Variants in RANBP3 observed in about 807,000 individuals in gnomAD.
RANBP3 encodes RAN binding protein 3.
A neutral mutation model predicts 77.3 loss-of-function variants in RANBP3; 14 were observed. The observed-to-expected ratio is 0.18, with a 90% confidence interval of 0.12 to 0.28. RANBP3 has a LOEUF of 0.28. Ranked by LOEUF, RANBP3 falls within the 10% of genes least tolerant of loss-of-function variation. The probability of loss-of-function intolerance (pLI) is 1.00; values close to 1 mark genes in which losing one functional copy is unlikely to be tolerated. For missense variants in RANBP3, 586 were observed against 752.3 expected (o/e 0.78, Z 2.59); for synonymous variants, 315 against 312.4 (o/e 1.01, Z -0.09).
intron 2 of RANBP3, among the ~76,000 whole-genome samples, chr19:5,955,171 G>T (rs529915070): frequency 6.6e-6 from 1 of 151,904 alleles, no homozygotes; most frequent in African/African-American, 2.4e-5. Context: ...TCACTCTGTC[G>T]CCCAGGCTGG....
At chr19:5,977,965 G>T (rs2058617543) in intron 1 of RANBP3, 96 bp downstream of exon 1, 3 of 1,507,870 alleles carry the variant, frequency 2.0e-6, no homozygotes, top group Middle Eastern at 1.7e-4. Flanking sequence ...CGAAACCCTT[G>T]CACTCTGCGG....
intron 9 of RANBP3, among the ~76,000 whole-genome samples, chr19:5,926,093 G>C (rs775738342): frequency 5.2e-4 from 79 of 152,156 alleles, no homozygotes; most frequent in Non-Finnish European, 8.5e-4. Flanking sequence ...GGTTTACTAT[G>C]AACATGATAG....
At chr19:5,920,135 G>A (rs561069305) in intron 14 of RANBP3, among the ~76,000 whole-genome samples, 7 of 152,328 alleles carry the variant, frequency 4.6e-5, no homozygotes, top group African/African-American at 1.2e-4. Flanking sequence ...AGTGGCCCAC[G>A]CCTGTAATTC....
At chr19:5,939,228 A>C (rs1205256815) in intron 5 of RANBP3, among the ~76,000 whole-genome samples, 1 of 152,194 alleles carries the variant, frequency 6.6e-6, no homozygotes, top group Admixed American at 6.5e-5. Context: ...ACTTGTATAA[A>C]ATTTTGAAAA....
intron 1 of RANBP3, among the ~76,000 whole-genome samples, chr19:5,960,390 G>T (rs2058385572): frequency 6.6e-6 from 1 of 152,186 alleles, no homozygotes; most frequent in Non-Finnish European, 1.5e-5. Flanking sequence ...CCTTGGACAG[G>T]CCTCAAAGTG....
At chr19:5,939,999 T>A (rs1411951549) in intron 5 of RANBP3, among the ~76,000 whole-genome samples, 3 of 152,250 alleles carry the variant, frequency 2.0e-5, no homozygotes, top group Non-Finnish European at 4.4e-5. Flanking sequence ...CCAGGGCAAC[T>A]GCTTCCCAGG....
At chr19:5,947,184 C>G (rs1348471844) in intron 3 of RANBP3, among the ~76,000 whole-genome samples, 1 of 151,874 alleles carries the variant, frequency 6.6e-6, no homozygotes, top group Non-Finnish European at 1.5e-5. Context: ...CATGGTGGTG[C>G]ATGCCTGTAA....
intron 1 of RANBP3, among the ~76,000 whole-genome samples, chr19:5,972,828 C>G (rs965117296): frequency 3.8e-4 from 58 of 152,174 alleles, no homozygotes; most frequent in Non-Finnish European, 6.9e-4. Context: ...CTCTGACCAC[C>G]TCAGAGGAGG....
chr19:5,971,231 T>G (rs1568483826), intron 1 of RANBP3, among the ~76,000 whole-genome samples: 1 of 152,210 alleles, frequency 6.6e-6, no homozygotes, highest in Non-Finnish European at 1.5e-5. Flanking sequence ...TAACATATTT[T>G]TATGAAAAAT....
intron 2 of RANBP3, among the ~76,000 whole-genome samples, chr19:5,954,971 C>G (rs2058318542): frequency 6.6e-6 from 1 of 152,190 alleles, no homozygotes; most frequent in Admixed American, 6.5e-5. Context: ...ACAGAGGTTT[C>G]CCACATGCCT....
intron 3 of RANBP3, 26 bp downstream of exon 3, chr19:5,951,367 G>A: frequency 1.3e-6 from 2 of 1,543,910 alleles, no homozygotes; most frequent in Non-Finnish European, 1.8e-6. Context: ...CTGGGCGGTA[G>A]GAGTGCCGGG....
intron 9 of RANBP3, among the ~76,000 whole-genome samples, chr19:5,926,730 C>T (rs2057915355): frequency 6.6e-6 from 1 of 152,120 alleles, no homozygotes; most frequent in South Asian, 2.1e-4. Flanking sequence ...ACTCCACAGG[C>T]CAAGCCCTTC....
rs1055671975 is a variant in RANBP3 at position 5,952,446 on chromosome 19, C to T, written c.79-850G>A. The stretch of plus-strand genomic sequence containing the variant: ...GGTTCCTGGGACTCCAGCAGGGCTT[C>T]CATGGGCTGAGAGCTCTGTGGCCGT... On this transcript the variant is annotated intron_variant, in intron 2 of 16. Coordinates refer to ENST00000340578, the MANE Select transcript of RANBP3 (RefSeq NM_007322.3). This position sits in a 1 kb window ranked among gnomAD's most constrained non-coding sequence, Gnocchi z 4.1. 2.0e-5 allele frequency among the ~76,000 whole-genome samples: 3 copies of T among 152,212 alleles called. No homozygotes were observed. Among genetic ancestry groups the T allele is most frequent in the African/African-American group, 7.2e-5 (3 of 41,444 alleles).
intron 1 of RANBP3, among the ~76,000 whole-genome samples, chr19:5,960,756 A>G (rs1347250175): frequency 1.3e-5 from 2 of 152,216 alleles, no homozygotes; most frequent in Non-Finnish European, 2.9e-5. Flanking sequence ...AAGGGACTGC[A>G]GCTATTTGAG....
chr19:5,972,563 C>T (rs1321929538), intron 1 of RANBP3, among the ~76,000 whole-genome samples: 3 of 152,178 alleles, frequency 2.0e-5, no homozygotes, highest in Admixed American at 6.5e-5. Flanking sequence ...TGGAGAGCTA[C>T]CAAATGCCCA....
chr19:5,976,917 A>G (rs2058599025), intron 1 of RANBP3, among the ~76,000 whole-genome samples: 1 of 152,138 alleles, frequency 6.6e-6, no homozygotes, highest in Non-Finnish European at 1.5e-5. Flanking sequence ...GCTCCTTCCC[A>G]GCTGTGTGAC....
intron 6 of RANBP3, chr19:5,933,102 C>T (rs2058016958): frequency 2.7e-6 from 1 of 370,350 alleles, no homozygotes. Flanking sequence ...ATGTGGGGGC[C>T]AGAACATGAA....
At chr19:5,939,608 G>A (rs915342303) in intron 5 of RANBP3, among the ~76,000 whole-genome samples, 8 of 152,200 alleles carry the variant, frequency 5.3e-5, no homozygotes, top group Non-Finnish European at 1.0e-4. Flanking sequence ...TGCAGGCGGG[G>A]GAGGGAACAA....
In RANBP3 at chr19:5,917,912, G is replaced by T. The variant is rs762586031; in HGVS notation, c.1542C>A (p.Arg514=). 2 of 1,612,836 alleles carry T rather than the reference G, an allele frequency of 1.2e-6. No homozygotes were observed. Among genetic ancestry groups the T allele is most frequent in the Non-Finnish European group, 1.7e-6 (2 of 1,179,890 alleles). ...LHHRILALRS[R]VEQEQEAKMP... ...TCTTGGCCTCCTGCTCCTGCTCCAC[G>T]CGGCTGCGCAGGGCCAGGATGCGGT... The change falls in exon 16 of 17, where the codon CGC becomes CGA. Residue 514 remains arginine (R), a synonymous_variant. Coordinates refer to ENST00000340578, the MANE Select transcript of RANBP3 (RefSeq NM_007322.3).
Sources: gnomAD v4.1 joint callset for allele counts (sites outside exome capture counted in the v4.1 genomes callset) on GRCh38, gnomAD v4.1.1 for gene constraint, Gnocchi (gnomAD v3.1) non-coding constraint, MANE v1.5 for transcripts, NCBI Gene and HGNC (gene_info 2026-07-23, HGNC 2026-07-21) for gene names.